ROPN1L: variants seen among roughly 807,000 people sequenced by gnomAD.
The protein encoded by ROPN1L is ropporin-1-like protein.
A neutral mutation model predicts 22.7 loss-of-function variants in ROPN1L; 23 were observed. The observed-to-expected ratio is 1.01, with a 90% CI of 0.73 to 1.43. The LOEUF (loss-of-function observed/expected upper bound fraction) is 1.43. Among genes scored for constraint, ROPN1L ranks in the 40% most tolerant of loss-of-function variants. The pLI, the probability that ROPN1L is intolerant of heterozygous loss-of-function variation, is 0.00. For synonymous variants in ROPN1L, 116 were observed against 117.8 expected (o/e 0.98, Z 0.10); for missense variants, 271 against 291.5 (o/e 0.93, Z 0.51).
In ROPN1L at chr5:10,464,717, A is replaced by G; in HGVS notation, c.594-131A>G. 5.5e-6 allele frequency: 3 copies of G among 543,370 alleles called. No homozygotes were observed. In the South Asian group the frequency reaches 9.6e-5, roughly 17 times the overall value. The allele number at this position is 543,370 out of a possible 1,614,324, so 33.7% of individuals were successfully genotyped here. ...ATAGAATGCTTTATTTTTGGAAGTA[A>G]GAATTACTGATGAGCAACCATAAAT... is the stretch of plus-strand genomic sequence containing the variant. On this transcript the variant is annotated intron_variant, in intron 4 of 4. Coordinates refer to ENST00000274134, the MANE Select transcript of ROPN1L (RefSeq NM_031916.5).
intron 4 of ROPN1L, among the ~76,000 whole-genome samples, chr5:10,470,326 T>G (rs1036642892): frequency 1.6e-4 from 25 of 152,104 alleles, no homozygotes; most frequent in Non-Finnish European, 2.1e-4. Context: ...CAGGACCCCA[T>G]GAAGTGGACA....
At chr5:10,458,682 A>G (rs1013712154) in intron 3 of ROPN1L, among the ~76,000 whole-genome samples, 1 of 13,732 alleles carries the variant, frequency 7.3e-5, no homozygotes, top group African/African-American at 3.1e-4. Context: ...CACCGTCCCC[A>G]CCATGTACAC....
intron 3 of ROPN1L, among the ~76,000 whole-genome samples, chr5:10,454,026 T>G (rs2126447208): frequency 6.6e-6 from 1 of 152,348 alleles, no homozygotes. Flanking sequence ...ACAAGGACAT[T>G]AAATTGCCAT....
the ROPN1L span, among the ~76,000 whole-genome samples, chr5:10,480,075 C>CA: frequency 6.6e-6 from 1 of 152,044 alleles, no homozygotes; most frequent in East Asian, 1.9e-4. Flanking sequence ...AGTTTGAAGA[C>CA]AAAAAATAAC....
rs142347353 is a variant in ROPN1L, at chr5:10,461,201, G to A, written c.435G>A (p.Leu145=). The A allele has an allele frequency of 6.2e-6, 10 of 1,613,724 alleles. No individual in the cohort carries two copies. In the African/African-American group the frequency reaches 1.3e-4, roughly 22 times the overall value. The change falls in exon 4 of 5, where the codon CTG becomes CTA. Residue 145 remains leucine, a synonymous_variant. Transcript: ENST00000274134. The stretch of plus-strand genomic sequence containing the variant: ...GCTCCCAGTCCTTGAACACTGCGCT[G>A]AAGCACCTGTGCGAGATCCTCACGG... ...SMLGGSLNTA[L]KHLCEILTDD...
downstream of ROPN1L, among the ~76,000 whole-genome samples, chr5:10,465,501 C>A (rs186274353): frequency 7.0e-6 from 1 of 141,874 alleles, no homozygotes; most frequent in Non-Finnish European, 1.5e-5. Flanking sequence ...GGCGACAGAG[C>A]GAGACTCCGT....
chr5:10,461,627 G>C (rs971720262), intron 4 of ROPN1L: 3 of 358,446 alleles, frequency 8.4e-6, no homozygotes, highest in Non-Finnish European at 1.5e-5. Context: ...CAGGTTGAGG[G>C]TTCAGTCCCC....
downstream of ROPN1L, among the ~76,000 whole-genome samples, chr5:10,465,877 T>G (rs563136599): frequency 3.9e-4 from 60 of 152,176 alleles, no homozygotes; most frequent in Middle Eastern, 6.8e-3. Flanking sequence ...TCTTCTTGAC[T>G]CCAAGCTGGT....
At chr5:10,454,035 A>C (rs943147814) in intron 3 of ROPN1L, among the ~76,000 whole-genome samples, 2 of 152,244 alleles carry the variant, frequency 1.3e-5, no homozygotes, top group African/African-American at 4.8e-5. Flanking sequence ...TTAAATTGCC[A>C]TCTGGATGTT....
At chr5:10,464,255 C>T (rs903266002) in intron 4 of ROPN1L, among the ~76,000 whole-genome samples, 10 of 152,144 alleles carry the variant, frequency 6.6e-5, no homozygotes, top group Non-Finnish European at 8.8e-5. Context: ...CGTGGAAGAC[C>T]GCAGCTCCCA....
chr5:10,462,391 C>G (rs949966231), intron 4 of ROPN1L, among the ~76,000 whole-genome samples: 1 of 152,178 alleles, frequency 6.6e-6, no homozygotes. Context: ...TAAGTGGAGC[C>G]GCAGATCAAA....
intron 3 of ROPN1L, among the ~76,000 whole-genome samples, chr5:10,459,281 G>A (rs1440247115): frequency 2.1e-5 from 3 of 145,530 alleles, no homozygotes; most frequent in African/African-American, 8.3e-5. Context: ...CAGCCTCCTT[G>A]CCAGGTTCCC....
chr5:10,477,784 G>T, the ROPN1L span, among the ~76,000 whole-genome samples: 8 of 152,214 alleles, frequency 5.3e-5, no homozygotes, highest in Non-Finnish European at 1.2e-4. Context: ...ACAAAAATTA[G>T]CTGGGTATGG....
At chr5:10,467,318 G>A (rs1374945895), downstream of ROPN1L, among the ~76,000 whole-genome samples, 1 of 150,914 alleles carries the variant, frequency 6.6e-6, no homozygotes, top group Admixed American at 6.6e-5. Flanking sequence ...AACACAAACT[G>A]GCCTTGTCTA....
downstream of ROPN1L, among the ~76,000 whole-genome samples, chr5:10,466,235 T>C (rs978735741): frequency 6.6e-6 from 1 of 152,072 alleles, no homozygotes; most frequent in Admixed American, 6.6e-5. Flanking sequence ...CTCTAAAACT[T>C]AGAGGGACAG....
chr5:10,471,731 C>G (rs1303568893), intron 4 of ROPN1L: 4 of 152,468 alleles, frequency 2.6e-5, no homozygotes, highest in Non-Finnish European at 5.9e-5. Flanking sequence ...GGTAGCCACC[C>G]CCCACATCCC....
At chr5:10,459,347 C>T (rs574076278) in intron 3 of ROPN1L, among the ~76,000 whole-genome samples, 1 of 150,282 alleles carries the variant, frequency 6.7e-6, no homozygotes, top group East Asian at 2.0e-4. Context: ...TGGGTTCCTG[C>T]CTTCCACCCT....
chr5:10,459,077 C>T (rs1325686950), intron 3 of ROPN1L, among the ~76,000 whole-genome samples: 1 of 151,074 alleles, frequency 6.6e-6, no homozygotes, highest in East Asian at 2.0e-4. Flanking sequence ...GGGCGCCTGA[C>T]AGACATGTCA....
chr5:10,481,147 A>G, the ROPN1L span, among the ~76,000 whole-genome samples: 2 of 152,206 alleles, frequency 1.3e-5, no homozygotes, highest in Non-Finnish European at 2.9e-5. Context: ...GGGCAGAGAC[A>G]AAGGACTTTG....
Sources: gnomAD v4.1 joint callset for allele counts (sites outside exome capture counted in the v4.1 genomes callset) on GRCh38, gnomAD v4.1.1 for gene constraint, MANE v1.5 for transcripts, NCBI Gene and HGNC (gene_info 2026-07-23, HGNC 2026-07-21) for gene names.